Variants in PPP2R2B observed in about 807,000 individuals in gnomAD.
PPP2R2B encodes serine/threonine-protein phosphatase 2A 55 kDa regulatory subunit B beta isoform.
In PPP2R2B, 5 loss-of-function variants were observed where a neutral mutation model predicts 46.0. The observed-to-expected ratio is 0.11, with a 90% CI of 0.06 to 0.23. The LOEUF (loss-of-function observed/expected upper bound fraction) is 0.23. PPP2R2B is among the 10% of genes least tolerant of loss of function. The probability of loss-of-function intolerance (pLI) is 1.00; values close to 1 mark genes in which losing one functional copy is unlikely to be tolerated. For synonymous variants in PPP2R2B, 215 were observed against 206.7 expected (o/e 1.04, Z -0.34); for missense variants, 367 against 575.0 (o/e 0.64, Z 3.70).
intron 1 of PPP2R2B, among the ~76,000 whole-genome samples, chr5:147,045,272 C>A (rs919573047): frequency 6.6e-6 from 1 of 152,102 alleles, no homozygotes; most frequent in Non-Finnish European, 1.5e-5. Context: ...ACCACATATA[C>A]GATGGTGATT....
intron 1 of PPP2R2B, among the ~76,000 whole-genome samples, chr5:146,937,209 G>C (rs550325087): frequency 4.9e-4 from 74 of 151,988 alleles, no homozygotes; most frequent in African/African-American, 1.8e-3. Context: ...GCTGAAGCAG[G>C]AGAATCGATT....
chr5:146,794,176 T>C (rs1329178535), intron 2 of PPP2R2B, among the ~76,000 whole-genome samples: 1 of 152,210 alleles, frequency 6.6e-6, no homozygotes, highest in Non-Finnish European at 1.5e-5. Context: ...ACATGGCTAA[T>C]GACTACAGCT....
At chr5:146,690,102 A>G (rs1195590314) in intron 5 of PPP2R2B, among the ~76,000 whole-genome samples, 2 of 152,216 alleles carry the variant, frequency 1.3e-5, no homozygotes, top group Non-Finnish European at 2.9e-5. Context: ...CCTCACATCT[A>G]CTTCACTGTC....
intron 2 of PPP2R2B, among the ~76,000 whole-genome samples, chr5:147,068,850 A>T (rs1266985544): frequency 6.6e-6 from 1 of 152,152 alleles, no homozygotes; most frequent in African/African-American, 2.4e-5. Flanking sequence ...ATTACCTGGT[A>T]TATTTGATTA....
chr5:146,863,902 G>A (rs1028729521), intron 2 of PPP2R2B, among the ~76,000 whole-genome samples: 9 of 152,232 alleles, frequency 5.9e-5, no homozygotes, highest in African/African-American at 1.7e-4. Context: ...AATGCAGACA[G>A]CCAATATACT....
At chr5:146,841,576 A>G (rs565954905) in intron 2 of PPP2R2B, among the ~76,000 whole-genome samples, 5 of 152,216 alleles carry the variant, frequency 3.3e-5, no homozygotes, top group Non-Finnish European at 7.3e-5. Flanking sequence ...AATGTGGCAC[A>G]TATATACCAT....
intron 1 of PPP2R2B, among the ~76,000 whole-genome samples, chr5:146,908,204 A>G (rs1763064207): frequency 6.6e-6 from 1 of 152,224 alleles, no homozygotes. Flanking sequence ...GTGATACACC[A>G]TGCAAAATAT....
At chr5:146,814,292 T>G (rs1288019169) in intron 2 of PPP2R2B, among the ~76,000 whole-genome samples, 1 of 152,066 alleles carries the variant, frequency 6.6e-6, no homozygotes, top group Non-Finnish European at 1.5e-5. Flanking sequence ...CAAACGCTGC[T>G]TTCTTCCCTT....
chr5:146,790,672 T>A (rs1220280022), intron 2 of PPP2R2B, among the ~76,000 whole-genome samples: 1 of 152,236 alleles, frequency 6.6e-6, no homozygotes, highest in African/African-American at 2.4e-5. Context: ...CATTGCCTAA[T>A]ATCCCTCCCA....
rs67810307 is a variant in PPP2R2B at position 146,764,800 on chromosome 5, CGA to C, written c.71-63660_71-63659del. On this transcript the variant is annotated intron_variant, in intron 2 of 9. Transcript: ENST00000394411. ...GTCTCTTTATGGAACATCTCTATCCCGAGAGAGAGAGAGAGAGAGAGAGAGAG... is the reference window on the plus strand; with the variant it reads ...GTCTCTTTATGGAACATCTCTATCCCGAGAGAGAGAGAGAGAGAGAGAGAG... Among the ~76,000 whole-genome samples the C allele has an allele frequency of 6.4e-3, 953 of 149,860 alleles. 5 individuals are homozygous for C. Among genetic ancestry groups the C allele is most frequent in the African/African-American group, 0.018 (715 of 40,704 alleles).
In PPP2R2B at chr5:146,876,995, A is replaced by G. The variant is rs1054446592; in HGVS notation, c.70+1007T>C. Among the ~76,000 whole-genome samples the G allele has an allele frequency of 4.6e-5, 7 of 152,358 alleles. No individual in the cohort carries two copies. In the East Asian group the frequency reaches 1.3e-3, roughly 29 times the overall value. The stretch of plus-strand genomic sequence containing the variant: ...TAATTTTAAATTAATACACCTTGCA[A>G]CATTGTCCTAAAGCATTTCCACATA... On this transcript the variant is annotated intron_variant, in intron 2 of 9. Transcript: ENST00000394411.
At chr5:146,716,781 A>T (rs1292989747) in intron 2 of PPP2R2B, among the ~76,000 whole-genome samples, 1 of 152,198 alleles carries the variant, frequency 6.6e-6, no homozygotes, top group Non-Finnish European at 1.5e-5. Context: ...GACAGTTTAC[A>T]TTTAAAACTT....
intron 7 of PPP2R2B, among the ~76,000 whole-genome samples, chr5:146,603,387 T>C (rs924471683): frequency 6.6e-6 from 1 of 152,242 alleles, no homozygotes; most frequent in African/African-American, 2.4e-5. Flanking sequence ...CTTTCAATGT[T>C]ATACATAGGA....
chr5:146,657,398 A>T (rs996550563), intron 5 of PPP2R2B, among the ~76,000 whole-genome samples: 4 of 152,184 alleles, frequency 2.6e-5, no homozygotes, highest in African/African-American at 9.7e-5. Context: ...AAGAAAAGAG[A>T]GATGTCTGTC....
At chr5:146,987,183 T>G (rs1237141151) in intron 1 of PPP2R2B, among the ~76,000 whole-genome samples, 1 of 152,154 alleles carries the variant, frequency 6.6e-6, no homozygotes. Context: ...GAGAGAGATG[T>G]AGACTTTCTC....
At chr5:146,712,462 C>G (rs1273907151) in intron 2 of PPP2R2B, among the ~76,000 whole-genome samples, 1 of 152,108 alleles carries the variant, frequency 6.6e-6, no homozygotes, top group African/African-American at 2.4e-5. Flanking sequence ...AGGATAAAGG[C>G]AGTATAGTAA....
chr5:146,928,561 C>T (rs1163539080), intron 1 of PPP2R2B, among the ~76,000 whole-genome samples: 1 of 152,088 alleles, frequency 6.6e-6, no homozygotes, highest in African/African-American at 2.4e-5. Context: ...GAACCCTGTG[C>T]CTTCTTACCA....
chr5:146,912,103 G>A (rs576455901), intron 1 of PPP2R2B, among the ~76,000 whole-genome samples: 28 of 152,086 alleles, frequency 1.8e-4, no homozygotes, highest in Non-Finnish European at 3.1e-4. Context: ...GCCGGGCATG[G>A]CGGCATGTGC....
chr5:146,765,908 A>T (rs1335441130), intron 2 of PPP2R2B, among the ~76,000 whole-genome samples: 1 of 152,210 alleles, frequency 6.6e-6, no homozygotes, highest in African/African-American at 2.4e-5. Flanking sequence ...GTAACTTTCA[A>T]GCCCGGAAAA....
Sources: gnomAD v4.1 joint callset for allele counts (sites outside exome capture counted in the v4.1 genomes callset) on GRCh38, gnomAD v4.1.1 for gene constraint, MANE v1.5 for transcripts, NCBI Gene and HGNC (gene_info 2026-07-23, HGNC 2026-07-21) for gene names.